Variants in MAGI2 observed in about 807,000 individuals in gnomAD.
MAGI2 encodes the protein membrane-associated guanylate kinase, WW and PDZ domain-containing protein 2.
Under a neutral mutation model 133.3 loss-of-function variants are expected in MAGI2, and 35 were observed. That is an observed-to-expected ratio of 0.26 (90% CI 0.20 to 0.35). The LOEUF (loss-of-function observed/expected upper bound fraction) is 0.35. Among genes scored for constraint, MAGI2 ranks in the 10% least tolerant of loss-of-function variants. The pLI, the probability that MAGI2 is intolerant of heterozygous loss-of-function variation, is 1.00. For missense variants in MAGI2, 1,636 were observed against 1,863.4 expected (o/e 0.88, Z 2.25); for synonymous variants, 729 against 710.6 (o/e 1.03, Z -0.41).
chr7:78,455,275 C>T (rs1789188811), intron 6 of MAGI2, among the ~76,000 whole-genome samples: 1 of 152,098 alleles, frequency 6.6e-6, no homozygotes, highest in Non-Finnish European at 1.5e-5. Context: ...TTTTAGGAAA[C>T]TTGAATTCAG....
intron 1 of MAGI2, among the ~76,000 whole-genome samples, chr7:79,360,984 TG>T (rs1842341876): frequency 6.6e-6 from 1 of 151,864 alleles, no homozygotes; most frequent in African/African-American, 2.4e-5. Context: ...TAATTTCAAA[TG>T]GAAAAACATA....
At chr7:78,642,618 A>T (rs1810430858) in intron 2 of MAGI2, among the ~76,000 whole-genome samples, 1 of 152,264 alleles carries the variant, frequency 6.6e-6, no homozygotes, top group Non-Finnish European at 1.5e-5. Flanking sequence ...ATGGCTGACG[A>T]ATATGTCAAA....
rs547228554 is a variant in MAGI2 at position 79,129,779 on chromosome 7, AT to A, written c.302-122574del. 2.4e-3 allele frequency among the ~76,000 whole-genome samples: 368 copies of A among 152,348 alleles called. 1 individual carries two copies. Among genetic ancestry groups the A allele is most frequent in the African/African-American group, 8.6e-3 (358 of 41,586 alleles). On this transcript the variant is annotated intron_variant, in intron 1 of 21. Coordinates refer to ENST00000354212, the MANE Select transcript of MAGI2 (RefSeq NM_012301.4). ...ATGAAAAATTCAGAAGGCAATATTA[AT>A]GTGAACTTAGTCATAATAATGAAAG... is the stretch of plus-strand genomic sequence containing the variant.
chr7:78,431,383 T>TA (rs1296710291), intron 6 of MAGI2, among the ~76,000 whole-genome samples: 1 of 152,074 alleles, frequency 6.6e-6, no homozygotes, highest in African/African-American at 2.4e-5. Context: ...CAGTGGTTGG[T>TA]AACTCACTTT....
intron 12 of MAGI2, among the ~76,000 whole-genome samples, chr7:78,186,098 A>T (rs1183785737): frequency 3.9e-5 from 6 of 152,160 alleles, no homozygotes; most frequent in Non-Finnish European, 8.8e-5. Context: ...CCAATCAATG[A>T]TTGTATTGAT....
At chr7:78,636,666 C>T (rs971861315) in intron 2 of MAGI2, among the ~76,000 whole-genome samples, 14 of 151,998 alleles carry the variant, frequency 9.2e-5, no homozygotes, top group African/African-American at 3.4e-4. Context: ...GGCGTGGTGG[C>T]GGGCGCCTGT....
chr7:78,085,577 CACACAA>C lies in MAGI2; in HGVS notation c.3568-6498_3568-6493del, dbSNP rs1273582939. 6.5e-3 allele frequency among the ~76,000 whole-genome samples: 937 copies of C among 143,552 alleles called. 6 individuals carry two copies. Among genetic ancestry groups the C allele is most frequent in the African/African-American group, 0.019 (653 of 35,116 alleles). The allele number at this position is 143,552 out of a possible 152,430, so 94.2% of individuals were successfully genotyped here. A position where few individuals can be genotyped will look rare whatever the true frequency, so the allele number is the denominator to read the frequency against. On this transcript the variant is annotated intron_variant, in intron 20 of 21. Coordinates refer to ENST00000354212, the MANE Select transcript of MAGI2 (RefSeq NM_012301.4). ...ACACACACACACACACACACACACACACACAAACAAAACAAAATCAAACCCAAAAAA... is the reference window on the plus strand; with the variant it reads ...ACACACACACACACACACACACACACACAAAACAAAATCAAACCCAAAAAA...
intron 1 of MAGI2, among the ~76,000 whole-genome samples, chr7:79,308,244 C>T (rs955870568): frequency 5.9e-5 from 9 of 152,228 alleles, no homozygotes; most frequent in East Asian, 1.9e-4. Context: ...GAAATATTGA[C>T]GTTGCCAACA....
At chr7:79,329,441 G>T (rs966988233) in intron 1 of MAGI2, among the ~76,000 whole-genome samples, 10 of 152,212 alleles carry the variant, frequency 6.6e-5, no homozygotes, top group African/African-American at 2.4e-5. Flanking sequence ...ATAAAAGGAA[G>T]TATATGTGTA....
At chr7:79,452,377 C>G (rs1049469009) in intron 1 of MAGI2, among the ~76,000 whole-genome samples, 4 of 152,178 alleles carry the variant, frequency 2.6e-5, no homozygotes, top group Admixed American at 6.5e-5. Context: ...GCCCACATGA[C>G]ACGACCGTGA....
chr7:78,926,677 G>A (rs1295554613), intron 2 of MAGI2, among the ~76,000 whole-genome samples: 3 of 152,022 alleles, frequency 2.0e-5, no homozygotes, highest in African/African-American at 7.2e-5. Context: ...TTTATGGAAT[G>A]AGGATGGACA....
intron 1 of MAGI2, among the ~76,000 whole-genome samples, chr7:79,378,978 T>G (rs1843590536): frequency 7.6e-6 from 1 of 131,118 alleles, no homozygotes; most frequent in Non-Finnish European, 1.6e-5. Context: ...ATATTAAACT[T>G]TAAGTTCTAG....
chr7:79,102,066 T>C (rs1269990717), intron 1 of MAGI2, among the ~76,000 whole-genome samples: 1 of 152,124 alleles, frequency 6.6e-6, no homozygotes, highest in African/African-American at 2.4e-5. Context: ...TACAACATGA[T>C]TGTAGAAATT....
intron 2 of MAGI2, among the ~76,000 whole-genome samples, chr7:78,883,786 A>T (rs751281693): frequency 6.6e-6 from 1 of 152,232 alleles, no homozygotes; most frequent in African/African-American, 2.4e-5. Flanking sequence ...TGGTGCTGGG[A>T]TAACTGGCTA....
At chr7:78,274,093 A>G (rs1474304852) in intron 9 of MAGI2, among the ~76,000 whole-genome samples, 1 of 151,990 alleles carries the variant, frequency 6.6e-6, no homozygotes, top group African/African-American at 2.4e-5. Flanking sequence ...TTGGTCCTTG[A>G]TGTTGGGGAC....
intron 2 of MAGI2, among the ~76,000 whole-genome samples, chr7:78,910,467 A>G (rs1368624112): frequency 6.6e-6 from 1 of 152,156 alleles, no homozygotes; most frequent in Admixed American, 6.5e-5. Flanking sequence ...GAAAATGAGT[A>G]AAGTTTATAT....
At chr7:79,081,982 T>C (rs1816081166) in intron 1 of MAGI2, among the ~76,000 whole-genome samples, 1 of 152,102 alleles carries the variant, frequency 6.6e-6, no homozygotes, top group Non-Finnish European at 1.5e-5. Flanking sequence ...TTCATTTCTC[T>C]CTAGGAGTGG....
At chr7:78,438,826 C>T (rs139702155) in intron 6 of MAGI2, among the ~76,000 whole-genome samples, 1,681 of 152,230 alleles carry the variant, frequency 0.011, 23 homozygotes, top group African/African-American at 0.037. Flanking sequence ...ACATCAAGAG[C>T]AGGAAATGGG....
intron 11 of MAGI2, among the ~76,000 whole-genome samples, chr7:78,195,859 A>ACTTCAC (rs1337393031): frequency 1.3e-5 from 2 of 152,164 alleles, no homozygotes; most frequent in Non-Finnish European, 2.9e-5. Flanking sequence ...GGCACTGCCA[A>ACTTCAC]CTTCACCTTC....
Sources: gnomAD v4.1 joint callset for allele counts (sites outside exome capture counted in the v4.1 genomes callset) on GRCh38, gnomAD v4.1.1 for gene constraint, MANE v1.5 for transcripts, NCBI Gene and HGNC (gene_info 2026-07-23, HGNC 2026-07-21) for gene names.